ST8SIA5: variants seen among roughly 807,000 people sequenced by gnomAD.
The protein encoded by ST8SIA5 is ST8 alpha-N-acetyl-neuraminide alpha-2,8-sialyltransferase 5.
ST8SIA5 carries 24 observed loss-of-function variants against 40.2 expected under a neutral mutation model. The observed-to-expected ratio is 0.60, with a 90% CI of 0.43 to 0.84. The LOEUF (loss-of-function observed/expected upper bound fraction) is 0.84. Among genes scored for constraint, ST8SIA5 ranks in the 40% least tolerant of loss-of-function variants. ST8SIA5 has a pLI of 0.00. For synonymous variants in ST8SIA5, 198 were observed against 201.8 expected (o/e 0.98, Z 0.16); for missense variants, 465 against 498.5 (o/e 0.93, Z 0.64).
chr18:46,689,065 C>T, intron 3 of ST8SIA5, 146 bp from the exon 4 acceptor site: 4 of 958,524 alleles, frequency 4.2e-6, no homozygotes, highest in South Asian at 1.9e-5. Flanking sequence ...TGCATGGAGC[C>T]GAGGCCTCTC....
At chr18:46,689,410 G>A (rs1208399282) in intron 3 of ST8SIA5, among the ~76,000 whole-genome samples, 1 of 152,106 alleles carries the variant, frequency 6.6e-6, no homozygotes, top group Non-Finnish European at 1.5e-5. Flanking sequence ...GTGTCAAGAG[G>A]CCTGGATTCT....
At chr18:46,738,828 C>T (rs1427387127) in intron 1 of ST8SIA5, among the ~76,000 whole-genome samples, 3 of 152,134 alleles carry the variant, frequency 2.0e-5, no homozygotes, top group East Asian at 3.8e-4. Flanking sequence ...CGAATATACA[C>T]ATGTAGGCAG....
intron 1 of ST8SIA5, among the ~76,000 whole-genome samples, chr18:46,719,822 C>CTT (rs1401781641): frequency 1.5e-5 from 2 of 134,982 alleles, no homozygotes; most frequent in Admixed American, 7.7e-5. Context: ...CTTCCTTTCT[C>CTT]TTTCTTTCTT....
At position 46,756,552 on chromosome 18, in the gene ST8SIA5, G is replaced by A; in HGVS notation, c.-44C>T. On this transcript the variant is annotated 5_prime_UTR_variant, in exon 1 of 7. Coordinates refer to ENST00000315087, the MANE Select transcript of ST8SIA5 (RefSeq NM_013305.6). ...CGGGCGCGGGGTACGGGGCGGCCAG[G>A]CAATGACTCGCGGGGTTCCGGGGCC... 1 of 1,603,608 alleles carries A rather than the reference G, an allele frequency of 6.2e-7. No homozygotes were observed. The highest frequency in any genetic ancestry group is 1.1e-5 in the South Asian group (1 of 90,060).
intron 1 of ST8SIA5, among the ~76,000 whole-genome samples, chr18:46,756,042 G>A (rs1012367263): frequency 3.9e-5 from 6 of 152,228 alleles, no homozygotes; most frequent in Admixed American, 1.3e-4. Flanking sequence ...AATGGCCATA[G>A]AACTGTGGGT....
At chr18:46,737,262 C>T (rs1373381715) in intron 1 of ST8SIA5, among the ~76,000 whole-genome samples, 1 of 152,224 alleles carries the variant, frequency 6.6e-6, no homozygotes, top group Non-Finnish European at 1.5e-5. Flanking sequence ...AGGGTACTCC[C>T]ACCCCGCCCC....
chr18:46,705,951 T>A (rs1248434533), intron 1 of ST8SIA5, among the ~76,000 whole-genome samples: 2 of 152,196 alleles, frequency 1.3e-5, no homozygotes, highest in African/African-American at 4.8e-5. Context: ...GACAAACTTA[T>A]GTATGTGCTG....
At chr18:46,719,654 G>A (rs950130682) in intron 1 of ST8SIA5, among the ~76,000 whole-genome samples, 35 of 52,010 alleles carry the variant, frequency 6.7e-4, no homozygotes, top group East Asian at 8.2e-4. Flanking sequence ...CACTTGACTC[G>A]CCTTTCTATC....
chr18:46,725,532 G>T (rs2039908589), intron 1 of ST8SIA5, among the ~76,000 whole-genome samples: 1 of 147,136 alleles, frequency 6.8e-6, no homozygotes. Flanking sequence ...ATTATTAAAT[G>T]GCACGGGTGG....
intron 2 of ST8SIA5, among the ~76,000 whole-genome samples, chr18:46,692,589 G>A (rs571078065): frequency 1.3e-5 from 2 of 152,088 alleles, no homozygotes; most frequent in African/African-American, 2.4e-5. Flanking sequence ...TTTTGGTAGC[G>A]ATGGGGTTTC....
At chr18:46,716,852 T>C (rs1325791740) in intron 1 of ST8SIA5, among the ~76,000 whole-genome samples, 1 of 152,186 alleles carries the variant, frequency 6.6e-6, no homozygotes, top group Non-Finnish European at 1.5e-5. Context: ...GGTGATTCGG[T>C]TGGGCTGGGG....
At chr18:46,712,282 TG>T (rs1263759003) in intron 1 of ST8SIA5, among the ~76,000 whole-genome samples, 1 of 152,146 alleles carries the variant, frequency 6.6e-6, no homozygotes, top group Non-Finnish European at 1.5e-5. Flanking sequence ...TCATGGACTT[TG>T]ACCACCATGC....
At chr18:46,735,021 T>A (rs2040020513) in intron 1 of ST8SIA5, among the ~76,000 whole-genome samples, 1 of 152,238 alleles carries the variant, frequency 6.6e-6, no homozygotes, top group South Asian at 2.1e-4. Flanking sequence ...CACCATCTAA[T>A]CAACTGCCAA....
intron 1 of ST8SIA5, among the ~76,000 whole-genome samples, chr18:46,727,882 G>A (rs2039946454): frequency 6.6e-6 from 1 of 152,116 alleles, no homozygotes; most frequent in African/African-American, 2.4e-5. Flanking sequence ...CCATTGCTGT[G>A]GACTGTTTAA....
chr18:46,708,684 A>G (rs2039692663), intron 1 of ST8SIA5, among the ~76,000 whole-genome samples: 1 of 152,016 alleles, frequency 6.6e-6, no homozygotes, highest in South Asian at 2.1e-4. Context: ...ACCAATCCTA[A>G]ACCTGCAAAC....
intron 1 of ST8SIA5, among the ~76,000 whole-genome samples, chr18:46,719,214 A>C (rs145048381): frequency 4.6e-5 from 7 of 152,346 alleles, no homozygotes; most frequent in African/African-American, 1.7e-4. Flanking sequence ...ACAATGTTGC[A>C]TCAAAGGCAC....
chr18:46,711,174 C>T (rs2039728746), intron 1 of ST8SIA5, among the ~76,000 whole-genome samples: 2 of 152,186 alleles, frequency 1.3e-5, no homozygotes, highest in East Asian at 1.9e-4. Flanking sequence ...ATGCACCAGA[C>T]ACATGGCTGG....
At position 46,756,517 on chromosome 18, in the gene ST8SIA5, C is replaced by T. The variant is rs2040249395; in HGVS notation, c.-9G>A. 6.2e-7 allele frequency: 1 copy of T among 1,611,744 alleles called. No homozygotes were observed. Among genetic ancestry groups the T allele is most frequent in the Middle Eastern group, 1.7e-4 (1 of 6,048 alleles). ...GGGTCCGCGTAGCGCATCCTGGCTACCGGGCGCCGCGGGCGCGGGGTACGG... is the reference window on the plus strand; with the variant it reads ...GGGTCCGCGTAGCGCATCCTGGCTATCGGGCGCCGCGGGCGCGGGGTACGG... On this transcript the variant is annotated 5_prime_UTR_variant, in exon 1 of 7. Coordinates refer to ENST00000315087, the MANE Select transcript of ST8SIA5 (RefSeq NM_013305.6).
chr18:46,685,260 C>T (rs1420445108), intron 5 of ST8SIA5, among the ~76,000 whole-genome samples: 1 of 152,192 alleles, frequency 6.6e-6, no homozygotes. Flanking sequence ...AAGAGGCTTT[C>T]CTTGCCTTTC....
Sources: gnomAD v4.1 joint callset for allele counts (sites outside exome capture counted in the v4.1 genomes callset) on GRCh38, gnomAD v4.1.1 for gene constraint, MANE v1.5 for transcripts, NCBI Gene and HGNC (gene_info 2026-07-23, HGNC 2026-07-21) for gene names.